The following TRABD2B variants were observed in gnomAD, a reference collection of about 807,000 sequenced individuals.
The protein encoded by TRABD2B is metalloprotease TIKI2.
In TRABD2B, 14 loss-of-function variants were observed where a neutral mutation model predicts 40.1. The ratio of observed to expected loss-of-function variants is 0.35; its 90% CI spans 0.23 to 0.55. The LOEUF is 0.55. Among genes scored for constraint, TRABD2B ranks in the 20% least tolerant of loss-of-function variants. TRABD2B has a pLI of 0.90. For synonymous variants in TRABD2B, 263 were observed against 277.0 expected (o/e 0.95, Z 0.50); for missense variants, 541 against 648.6 (o/e 0.83, Z 1.80).
intron 2 of TRABD2B, among the ~76,000 whole-genome samples, chr1:47,987,262 T>C (rs1212026364): frequency 6.6e-6 from 1 of 152,148 alleles, no homozygotes; most frequent in Non-Finnish European, 1.5e-5. Flanking sequence ...AGCTGGCCCC[T>C]TCCAACTCTA....
intron 2 of TRABD2B, among the ~76,000 whole-genome samples, chr1:47,817,286 G>A (rs913543505): frequency 6.6e-6 from 1 of 151,996 alleles, no homozygotes; most frequent in Non-Finnish European, 1.5e-5. Flanking sequence ...CTCAAAAGAG[G>A]ATGGAAGGAG....
chr1:47,783,934 C>T (rs1342893703), intron 4 of TRABD2B, among the ~76,000 whole-genome samples: 2 of 152,212 alleles, frequency 1.3e-5, no homozygotes, highest in African/African-American at 2.4e-5. Context: ...TCCAGTCTCA[C>T]TTTGTGCCTC....
chr1:47,978,426 C>T (rs192656296), intron 2 of TRABD2B, among the ~76,000 whole-genome samples: 35 of 145,052 alleles, frequency 2.4e-4, no homozygotes, highest in Admixed American at 8.6e-4. Context: ...GGCCAAGGAG[C>T]GATGATGGGG....
intron 5 of TRABD2B, 95 bp downstream of exon 5, chr1:47,778,359 C>T: frequency 1.1e-6 from 1 of 894,116 alleles, no homozygotes; most frequent in East Asian, 2.7e-5. Flanking sequence ...AGAGACCTGC[C>T]TCTGCCTCAC....
intron 2 of TRABD2B, among the ~76,000 whole-genome samples, chr1:47,863,372 T>TATATATATATATATATATATA (rs1644003823): frequency 1.8e-4 from 12 of 66,496 alleles, no homozygotes; most frequent in South Asian, 7.5e-4. Flanking sequence ...CTATATAATT[T>TATATATATATATATATATATA]TATATATATA....
intron 2 of TRABD2B, among the ~76,000 whole-genome samples, chr1:47,831,419 C>G (rs947819102): frequency 6.6e-6 from 1 of 152,098 alleles, no homozygotes; most frequent in African/African-American, 2.4e-5. Context: ...CTGCTGCGGG[C>G]GCAGTGTGAA....
At chr1:47,826,775 G>T (rs1292845520) in intron 2 of TRABD2B, among the ~76,000 whole-genome samples, 1 of 152,148 alleles carries the variant, frequency 6.6e-6, no homozygotes, top group African/African-American at 2.4e-5. Context: ...ATCTTGTTAT[G>T]TTGCCCAGGC....
intron 2 of TRABD2B, among the ~76,000 whole-genome samples, chr1:47,810,886 G>A (rs1269327742): frequency 6.6e-6 from 1 of 152,242 alleles, no homozygotes; most frequent in African/African-American, 2.4e-5. Flanking sequence ...GGTGGGCGGA[G>A]GTAAGAAATA....
At chr1:47,791,545 C>T (rs1644672280) in intron 4 of TRABD2B, among the ~76,000 whole-genome samples, 1 of 152,156 alleles carries the variant, frequency 6.6e-6, no homozygotes. Flanking sequence ...AGGCAATGGG[C>T]TGCGAGAGCC....
intron 2 of TRABD2B, among the ~76,000 whole-genome samples, chr1:47,901,600 C>A (rs1258762397): frequency 6.6e-6 from 1 of 152,212 alleles, no homozygotes; most frequent in Non-Finnish European, 1.5e-5. Context: ...GAGAGCTGAA[C>A]AAGACGTAGC....
chr1:47,952,532 C>T lies in TRABD2B; in HGVS notation c.666+41502G>A, dbSNP rs181472944. Among the ~76,000 whole-genome samples, 12 of 152,322 alleles carry T rather than the reference C, an allele frequency of 7.9e-5. No homozygotes were observed. In the East Asian group the frequency reaches 2.3e-3, roughly 29 times the overall value. ...CTGCTGTTCTCTGTATCTAAGACACCCTTTCTGCTCTTTGTATGGCAGTTC... is the reference window on the plus strand; with the variant it reads ...CTGCTGTTCTCTGTATCTAAGACACTCTTTCTGCTCTTTGTATGGCAGTTC... On this transcript the variant is annotated intron_variant, in intron 2 of 6. Transcript: ENST00000606738.
chr1:47,944,662 A>G (rs1468796841), intron 2 of TRABD2B, among the ~76,000 whole-genome samples: 4 of 152,198 alleles, frequency 2.6e-5, no homozygotes, highest in Non-Finnish European at 5.9e-5. Context: ...TTGTCCATAC[A>G]GGAGTTTGGG....
intron 2 of TRABD2B, among the ~76,000 whole-genome samples, chr1:47,935,565 A>G (rs1645096123): frequency 6.6e-6 from 1 of 152,244 alleles, no homozygotes; most frequent in South Asian, 2.1e-4. Context: ...GTCACTTATT[A>G]CTGCCCTACT....
intron 2 of TRABD2B, among the ~76,000 whole-genome samples, chr1:47,810,379 C>T (rs956464343): frequency 1.3e-5 from 2 of 151,964 alleles, no homozygotes; most frequent in Non-Finnish European, 2.9e-5. Context: ...CCCCCCGCCA[C>T]CCATTTTAGA....
intron 2 of TRABD2B, among the ~76,000 whole-genome samples, chr1:47,854,331 T>G (rs1351180555): frequency 2.0e-5 from 3 of 152,208 alleles, no homozygotes; most frequent in Admixed American, 6.5e-5. Flanking sequence ...ATGAGGCTGT[T>G]GCAGCCCCTG....
intron 4 of TRABD2B, among the ~76,000 whole-genome samples, chr1:47,783,784 C>T (rs879514058): frequency 8.5e-5 from 13 of 152,192 alleles, no homozygotes; most frequent in East Asian, 3.9e-4. Flanking sequence ...AGATCTACCC[C>T]GCCTCCCATC....
intron 2 of TRABD2B, among the ~76,000 whole-genome samples, chr1:47,934,373 G>A (rs1645078909): frequency 6.6e-6 from 1 of 152,198 alleles, no homozygotes; most frequent in African/African-American, 2.4e-5. Flanking sequence ...CACAGGTCAG[G>A]CCCACAGCCC....
rs145897958 is a variant in TRABD2B, at chr1:47,866,213, G to T, written c.667-64594C>A. 1.9e-3 allele frequency among the ~76,000 whole-genome samples: 289 copies of T among 151,924 alleles called. 1 individual carries two copies. Among genetic ancestry groups the T allele is most frequent in the African/African-American group, 6.0e-3 (247 of 41,442 alleles). Reference sequence around the variant, plus strand: ...CATCAGGAACAAGCAGGAACGAGCAGACCCAGGCTCTAAAGTCGATGTCCG... The same window carrying T: ...CATCAGGAACAAGCAGGAACGAGCATACCCAGGCTCTAAAGTCGATGTCCG... On this transcript the variant is annotated intron_variant, in intron 2 of 6. Transcript: ENST00000606738.
At chr1:47,944,612 C>T (rs1645234822) in intron 2 of TRABD2B, among the ~76,000 whole-genome samples, 1 of 152,190 alleles carries the variant, frequency 6.6e-6, no homozygotes, top group Non-Finnish European at 1.5e-5. Flanking sequence ...CCCCTCTACA[C>T]ATTTCTCAGC....
Sources: allele counts gnomAD v4.1 joint callset (sites outside exome capture counted in the v4.1 genomes callset), GRCh38; gene constraint gnomAD v4.1.1; transcripts MANE v1.5; gene names NCBI Gene and HGNC (gene_info 2026-07-23, HGNC 2026-07-21).